Variants in CDKAL1 observed in about 807,000 individuals in gnomAD.
CDKAL1 encodes CDKAL1 threonylcarbamoyladenosine tRNA methylthiotransferase.
In CDKAL1, 32 loss-of-function variants were observed where a neutral mutation model predicts 68.2. That is an observed-to-expected ratio of 0.47 (90% CI 0.35 to 0.63). CDKAL1 has a LOEUF of 0.63. CDKAL1 is among the 30% of genes least tolerant of loss of function. The pLI is 0.00. For missense variants in CDKAL1, 606 were observed against 696.7 expected, an observed-to-expected ratio of 0.87 and a Z score of 1.47; for synonymous variants, 234 against 244.3, an observed-to-expected ratio of 0.96 and a Z score of 0.39.
intron 4 of CDKAL1, among the ~76,000 whole-genome samples, chr6:20,579,582 C>T (rs1173448483): frequency 6.6e-6 from 1 of 152,076 alleles, no homozygotes; most frequent in Non-Finnish European, 1.5e-5. Flanking sequence ...TTTTTAGTCC[C>T]TGTTTTCCCC....
intron 9 of CDKAL1, among the ~76,000 whole-genome samples, chr6:20,849,564 C>T (rs1010039134): frequency 4.2e-5 from 5 of 119,906 alleles, no homozygotes; most frequent in Non-Finnish European, 6.5e-5. Flanking sequence ...GCCTGGGCGA[C>T]AGAGCAAGAC....
intron 9 of CDKAL1, among the ~76,000 whole-genome samples, chr6:20,918,038 G>A (rs1762794441): frequency 6.6e-6 from 1 of 152,196 alleles, no homozygotes; most frequent in Admixed American, 6.5e-5. Flanking sequence ...TTTAGCCTGG[G>A]AGGTGGAGGT....
intron 7 of CDKAL1, among the ~76,000 whole-genome samples, chr6:20,765,065 T>A (rs1368939619): frequency 6.6e-6 from 1 of 152,192 alleles, no homozygotes; most frequent in Non-Finnish European, 1.5e-5. Flanking sequence ...TTTAAGTTTA[T>A]GAGTATAGTA....
intron 11 of CDKAL1, among the ~76,000 whole-genome samples, chr6:21,051,727 T>C (rs943860774): frequency 1.3e-4 from 20 of 152,220 alleles, no homozygotes; most frequent in Non-Finnish European, 2.6e-4. Context: ...TGACAGTTGT[T>C]ATCATCTCTC....
chr6:20,592,281 T>C (rs1209032791), intron 4 of CDKAL1, among the ~76,000 whole-genome samples: 3 of 152,188 alleles, frequency 2.0e-5, no homozygotes, highest in Non-Finnish European at 4.4e-5. Flanking sequence ...GTTTTCTGAA[T>C]ATACAATCAT....
intron 9 of CDKAL1, among the ~76,000 whole-genome samples, chr6:20,939,877 T>C (rs1763891095): frequency 6.6e-6 from 1 of 152,212 alleles, no homozygotes. Context: ...GCAAATTACA[T>C]ATCTTACCTA....
At chr6:20,871,930 C>G (rs1007945909) in intron 9 of CDKAL1, among the ~76,000 whole-genome samples, 1 of 152,082 alleles carries the variant, frequency 6.6e-6, no homozygotes, top group African/African-American at 2.4e-5. Flanking sequence ...ACAAGGAATG[C>G]TTAAGAACAC....
At chr6:20,812,844 A>T (rs560172331) in intron 8 of CDKAL1, among the ~76,000 whole-genome samples, 115 of 152,206 alleles carry the variant, frequency 7.6e-4, no homozygotes, top group African/African-American at 2.7e-3. Flanking sequence ...AATTTTTTTA[A>T]CATTTATTTG....
chr6:20,969,132 C>T (rs1219297605), intron 10 of CDKAL1, among the ~76,000 whole-genome samples: 3 of 152,078 alleles, frequency 2.0e-5, no homozygotes, highest in Non-Finnish European at 4.4e-5. Context: ...TTGAACAATG[C>T]ACGGCTTAGA....
At chr6:21,145,698 G>A (rs182651857) in intron 13 of CDKAL1, among the ~76,000 whole-genome samples, 1 of 152,244 alleles carries the variant, frequency 6.6e-6, no homozygotes, top group African/African-American at 2.4e-5. Flanking sequence ...AAAATTGCAC[G>A]GCTGCCAACC....
chr6:20,980,470 C>G (rs1766085132), intron 10 of CDKAL1, among the ~76,000 whole-genome samples: 1 of 152,124 alleles, frequency 6.6e-6, no homozygotes, highest in South Asian at 2.1e-4. Context: ...ATCTCCTGAC[C>G]TCGTGATCCG....
chr6:21,192,647 A>G (rs1343846130), intron 13 of CDKAL1, among the ~76,000 whole-genome samples: 2 of 152,118 alleles, frequency 1.3e-5, no homozygotes, highest in African/African-American at 2.4e-5. Flanking sequence ...TGGAAATACT[A>G]TAGCATTTGT....
rs560625346 is a variant in CDKAL1 at position 21,222,715 on chromosome 6, T to A, written c.1549-8133T>A. Among the ~76,000 whole-genome samples, 14 of 152,182 alleles carry A rather than the reference T, an allele frequency of 9.2e-5. No individual in the cohort carries two copies. The East Asian group carries it at 2.5e-3, about 27-fold the overall frequency. On this transcript the variant is annotated intron_variant, in intron 15 of 15. Coordinates refer to ENST00000274695, the MANE Select transcript of CDKAL1 (RefSeq NM_017774.3). ...GAAGCCCAGGGACAGGGTTGTCTTGTCAATTCAAGGAAGGGAGCTGGCATG... is the reference window on the plus strand; with the variant it reads ...GAAGCCCAGGGACAGGGTTGTCTTGACAATTCAAGGAAGGGAGCTGGCATG...
intron 5 of CDKAL1, among the ~76,000 whole-genome samples, chr6:20,657,656 G>T (rs1581909514): frequency 6.6e-6 from 1 of 152,198 alleles, no homozygotes; most frequent in East Asian, 1.9e-4. Context: ...CAGAAATTGT[G>T]CATTTGTGAC....
At chr6:20,929,202 A>G (rs1037810152) in intron 9 of CDKAL1, among the ~76,000 whole-genome samples, 11 of 152,216 alleles carry the variant, frequency 7.2e-5, no homozygotes, top group African/African-American at 2.7e-4. Context: ...GCCTAGTGGG[A>G]TACCTTTCCT....
intron 7 of CDKAL1, among the ~76,000 whole-genome samples, chr6:20,761,446 T>G (rs1774460448): frequency 6.6e-6 from 1 of 152,252 alleles, no homozygotes; most frequent in Admixed American, 6.5e-5. Flanking sequence ...GTTGAAAACT[T>G]ACGTCTATAC....
chr6:20,769,692 C>T (rs1456555525), intron 7 of CDKAL1, among the ~76,000 whole-genome samples: 1 of 152,100 alleles, frequency 6.6e-6, no homozygotes, highest in African/African-American at 2.4e-5. Flanking sequence ...TTTTGAGAAA[C>T]GTCATTAGCG....
chr6:20,738,494 T>TTTG (rs1773299497), intron 5 of CDKAL1, among the ~76,000 whole-genome samples: 1 of 149,448 alleles, frequency 6.7e-6, no homozygotes, highest in Non-Finnish European at 1.5e-5. Context: ...AGTTTTTTTT[T>TTTG]TTTTTTTTTT....
intron 12 of CDKAL1, among the ~76,000 whole-genome samples, chr6:21,085,911 GT>G (rs1772668270): frequency 6.6e-6 from 1 of 152,184 alleles, no homozygotes; most frequent in African/African-American, 2.4e-5. Context: ...AATTAAGACG[GT>G]AATGAAACAG....
Sources: allele counts gnomAD v4.1 joint callset (sites outside exome capture counted in the v4.1 genomes callset), GRCh38; gene constraint gnomAD v4.1.1; transcripts MANE v1.5; gene names NCBI Gene and HGNC (gene_info 2026-07-23, HGNC 2026-07-21).